CEP126: variants seen among roughly 807,000 people sequenced by gnomAD.
CEP126 encodes centrosomal protein 126, also known as centrosomal protein of 126 kDa.
Under a neutral mutation model 107.8 loss-of-function variants are expected in CEP126, and 74 were observed. The observed-to-expected ratio is 0.69, with a 90% CI of 0.57 to 0.83. The LOEUF is 0.83. Ranked by LOEUF, CEP126 falls within the 40% of genes least tolerant of loss-of-function variation. The pLI is 0.00. For missense variants in CEP126, 1,237 were observed against 1,281.9 expected (o/e 0.96, Z 0.53); for synonymous variants, 449 against 446.0 (o/e 1.01, Z -0.08).
Position 101,961,876 on chromosome 11 carries a change from A to G in CEP126, c.841A>G (p.Ile281Val). 1.2e-6 allele frequency: 2 copies of G among 1,613,020 alleles called. No individual in the cohort carries two copies. Among genetic ancestry groups the G allele is most frequent in the Non-Finnish European group, 1.7e-6 (2 of 1,179,194 alleles). The change falls in exon 6 of 11, where the codon ATT becomes GTT. Residue 281 changes from isoleucine (I) to valine (V), a missense_variant. By Grantham distance (29) the Ile-to-Val change is conservative. Coordinates refer to ENST00000263468, the MANE Select transcript of CEP126 (RefSeq NM_020802.4). Reference sequence around the variant, plus strand: ...TTCCACATCCATCCAGCGGAATACCATTTCCCTCAAACCAGCAAATATGCA... The same window carrying G: ...TTCCACATCCATCCAGCGGAATACCGTTTCCCTCAAACCAGCAAATATGCA... ...EHSTSIQRNT[I>V]SLKPANMQST...
intron 4 of CEP126, among the ~76,000 whole-genome samples, chr11:101,957,656 G>A (rs1353055755): frequency 1.3e-5 from 2 of 151,448 alleles, no homozygotes; most frequent in East Asian, 4.0e-4. Flanking sequence ...AGTTCCCAAT[G>A]CTAGTTAAAT....
At chr11:101,984,215 G>A (rs368066112) in intron 8 of CEP126, among the ~76,000 whole-genome samples, 69 of 152,234 alleles carry the variant, frequency 4.5e-4, no homozygotes, top group African/African-American at 1.6e-3. Flanking sequence ...TTTTCAAAAC[G>A]AGTTTAGCAT....
At position 101,961,783 on chromosome 11, in the gene CEP126, C is replaced by A. The variant is rs766435725; in HGVS notation, c.748C>A (p.Leu250Ile). 2 of 1,568,548 alleles carry A rather than the reference C, an allele frequency of 1.3e-6. No homozygotes were observed. The highest frequency in any genetic ancestry group is 1.2e-5 in the South Asian group (1 of 82,854). The change falls in exon 6 of 11, where the codon CTC (leucine) becomes ATC (isoleucine). Residue 250 changes from leucine to isoleucine, a missense_variant. Transcript: ENST00000263468. ...TAATCAGATAACCAATTCTGAAACC[C>A]TCTCAAGTATAGACAGTCTTGAGGC... ...EVNQITNSETLSSIDSLEATE... is the reference protein window; with the variant it reads ...EVNQITNSETISSIDSLEATE...
intron 9 of CEP126, among the ~76,000 whole-genome samples, chr11:101,991,518 G>T (rs538336824): frequency 6.6e-6 from 1 of 152,148 alleles, no homozygotes; most frequent in East Asian, 1.9e-4. Context: ...AGGTTATGGT[G>T]GGAAAGATGA....
At chr11:101,980,626 T>C (rs919816180) in intron 7 of CEP126, among the ~76,000 whole-genome samples, 2 of 152,212 alleles carry the variant, frequency 1.3e-5, no homozygotes, top group African/African-American at 4.8e-5. Context: ...TTCATCCTTA[T>C]TATTTTGACT....
intron 5 of CEP126, among the ~76,000 whole-genome samples, chr11:101,959,815 G>A (rs1441421652): frequency 3.9e-5 from 6 of 152,088 alleles, no homozygotes; most frequent in Non-Finnish European, 8.8e-5. Flanking sequence ...TAGTGGACTT[G>A]AAAACATAGC....
At chr11:101,957,005 G>A (rs1465784870) in intron 4 of CEP126, 2 of 305,218 alleles carry the variant, frequency 6.6e-6, no homozygotes, top group East Asian at 9.6e-5. Context: ...TGGGAAGGGC[G>A]ACTGAAGGGG....
chr11:101,961,812 A>C lies in CEP126; in HGVS notation c.777A>C (p.Thr259=), dbSNP rs866252257. The change falls in exon 6 of 11, where the codon ACA becomes ACC. Residue 259 remains threonine, a synonymous_variant. Transcript: ENST00000263468. ...TLSSIDSLEA[T]EHEEIYLTLN... Reference sequence around the variant, plus strand: ...CAAGTATAGACAGTCTTGAGGCTACAGAGCATGAAGAAATATATTTAACAC... The same window carrying C: ...CAAGTATAGACAGTCTTGAGGCTACCGAGCATGAAGAAATATATTTAACAC... 1.9e-6 allele frequency: 3 copies of C among 1,608,892 alleles called. No individual in the cohort carries two copies. Among genetic ancestry groups the C allele is most frequent in the Admixed American group, 1.7e-5 (1 of 59,160 alleles).
chr11:101,992,889 G>T, intron 10 of CEP126, 47 bp downstream of exon 10: 1 of 1,451,978 alleles, frequency 6.9e-7, no homozygotes, highest in South Asian at 1.5e-5. Flanking sequence ...GGAAACTTCT[G>T]ATTTTATGTA....
rs548175400 is a variant in CEP126 at position 101,941,981 on chromosome 11, A to G, written c.249-2284A>G. 6.6e-5 allele frequency among the ~76,000 whole-genome samples: 10 copies of G among 152,164 alleles called. No homozygotes were observed. In the South Asian group the frequency reaches 2.1e-3, roughly 32 times the overall value. On this transcript the variant is annotated intron_variant, in intron 2 of 10. Transcript: ENST00000263468. ...AAATTTCTGTTCAAGTCTTTTGCCC[A>G]TATTTTAAAATCAGGTTTTTTTGAT...
chr11:101,921,764 A>AGTTCATG (rs1940330968), intron 1 of CEP126, among the ~76,000 whole-genome samples: 1 of 20 alleles, frequency 0.05, no homozygotes, highest in African/African-American at 0.12. Context: ...TCTTTATCTG[A>AGTTCATG]AGTTCATGAT....
intron 2 of CEP126, among the ~76,000 whole-genome samples, chr11:101,932,233 A>G (rs1358824374): frequency 2.0e-5 from 3 of 152,218 alleles, no homozygotes; most frequent in Non-Finnish European, 4.4e-5. Flanking sequence ...TATAGTAATC[A>G]TCACTATAAT....
intron 10 of CEP126, among the ~76,000 whole-genome samples, chr11:101,993,460 T>C (rs1941408860): frequency 6.6e-6 from 1 of 152,212 alleles, no homozygotes; most frequent in South Asian, 2.1e-4. Flanking sequence ...CAGTCTACCA[T>C]TGATGGGCAT....
At chr11:101,954,943 G>A (rs1940864548) in intron 4 of CEP126, among the ~76,000 whole-genome samples, 1 of 152,134 alleles carries the variant, frequency 6.6e-6, no homozygotes, top group Non-Finnish European at 1.5e-5. Context: ...TCAGTGGAAT[G>A]TAAACCTAAA....
intron 2 of CEP126, among the ~76,000 whole-genome samples, chr11:101,924,792 C>A (rs1028453121): frequency 6.6e-6 from 1 of 151,932 alleles, no homozygotes; most frequent in African/African-American, 2.4e-5. Flanking sequence ...CAGGTAGAGA[C>A]AGTCTCCTGC....
At chr11:101,957,917 C>T (rs763070794) in intron 4 of CEP126, among the ~76,000 whole-genome samples, 6 of 152,124 alleles carry the variant, frequency 3.9e-5, no homozygotes, top group Non-Finnish European at 8.8e-5. Flanking sequence ...ATAATCAAAG[C>T]CATGAATTAC....
intron 5 of CEP126, among the ~76,000 whole-genome samples, 195 bp downstream of exon 5, chr11:101,958,561 A>G (rs184990157): frequency 9.6e-4 from 146 of 152,316 alleles, no homozygotes; most frequent in African/African-American, 3.1e-3. Flanking sequence ...CTTTGAAAGT[A>G]CAATGTAATG....
At chr11:101,971,750 T>G (rs1941131349) in intron 6 of CEP126, among the ~76,000 whole-genome samples, 1 of 152,126 alleles carries the variant, frequency 6.6e-6, no homozygotes, top group Admixed American at 6.5e-5. Context: ...ATGTGACATA[T>G]AAGAACAAGT....
chr11:101,988,472 T>A (rs943469538), intron 9 of CEP126, among the ~76,000 whole-genome samples: 1 of 151,978 alleles, frequency 6.6e-6, no homozygotes, highest in African/African-American at 2.4e-5. Flanking sequence ...GTGATAACGG[T>A]TGACAACTTT....
Sources: gnomAD v4.1 joint callset for allele counts (sites outside exome capture counted in the v4.1 genomes callset) on GRCh38, gnomAD v4.1.1 for gene constraint, MANE v1.5 for transcripts, NCBI Gene and HGNC (gene_info 2026-07-23, HGNC 2026-07-21) for gene names.